Variants in DCC observed in about 807,000 individuals in gnomAD.
DCC encodes the protein DCC netrin 1 receptor.
In DCC, 58 loss-of-function variants were observed where a neutral mutation model predicts 172.5. The observed-to-expected ratio is 0.34, with a 90% CI of 0.27 to 0.42. The LOEUF (loss-of-function observed/expected upper bound fraction) is 0.42, where lower values mean the gene tolerates loss of function less well. Ranked by LOEUF, DCC falls within the 10% of genes least tolerant of loss-of-function variation. The probability of loss-of-function intolerance (pLI) is 1.00; values close to 1 mark genes in which losing one functional copy is unlikely to be tolerated. For synonymous variants in DCC, 709 were observed against 644.5 expected (o/e 1.10, Z -1.52); for missense variants, 1,740 against 1,791.0 (o/e 0.97, Z 0.51).
chr18:53,407,528 GATATATATATAT>G (rs74180422), intron 19 of DCC, among the ~76,000 whole-genome samples: 5 of 117,446 alleles, frequency 4.3e-5, no homozygotes, highest in Non-Finnish European at 7.0e-5. Flanking sequence ...TTTTATTCTG[GATATATATATAT>G]ATATATATAT....
At chr18:52,782,073 A>G (rs2037555422) in intron 2 of DCC, among the ~76,000 whole-genome samples, 1 of 152,146 alleles carries the variant, frequency 6.6e-6, no homozygotes, top group African/African-American at 2.4e-5. Flanking sequence ...GTAAAATACA[A>G]TTGAGTAGAA....
At chr18:52,905,932 A>G (rs2145447090) in intron 2 of DCC, 112 bp from the exon 3 acceptor site, 1 of 831,496 alleles carries the variant, frequency 1.2e-6, no homozygotes, top group East Asian at 2.6e-5. Flanking sequence ...ATATTTGAGA[A>G]AACAGCTTGT....
chr18:53,498,137 G>A, intron 26 of DCC, among the ~76,000 whole-genome samples: 1 of 152,170 alleles, frequency 6.6e-6, no homozygotes, highest in Non-Finnish European at 1.5e-5. Context: ...TTTCACTTCT[G>A]CATAACTTTA....
intron 24 of DCC, among the ~76,000 whole-genome samples, chr18:53,466,842 C>T (rs1437793907): frequency 6.6e-6 from 1 of 152,144 alleles, no homozygotes; most frequent in Non-Finnish European, 1.5e-5. Context: ...GCGTAGTTTA[C>T]TGTTTTATAT....
At chr18:52,794,722 A>C (rs1431374252) in intron 2 of DCC, among the ~76,000 whole-genome samples, 1 of 152,056 alleles carries the variant, frequency 6.6e-6, no homozygotes, top group Non-Finnish European at 1.5e-5. Flanking sequence ...TGTTAAAGGA[A>C]AGGCTTTCAA....
At chr18:53,149,112 C>T (rs1017526409) in intron 7 of DCC, among the ~76,000 whole-genome samples, 2 of 152,008 alleles carry the variant, frequency 1.3e-5, no homozygotes, top group African/African-American at 2.4e-5. Context: ...CCACCCGCCT[C>T]GGCCTCCCAA....
chr18:52,559,512 C>T (rs1347018652), intron 1 of DCC, among the ~76,000 whole-genome samples: 1 of 152,116 alleles, frequency 6.6e-6, no homozygotes, highest in Non-Finnish European at 1.5e-5. Flanking sequence ...TCCAGACAGC[C>T]ACAAGGCTTA....
chr18:53,255,171 C>A (rs1194712928), intron 12 of DCC, among the ~76,000 whole-genome samples: 1 of 151,782 alleles, frequency 6.6e-6, no homozygotes, highest in Non-Finnish European at 1.5e-5. Context: ...CTTTCGGGCC[C>A]TTCTGTCCAC....
Position 53,055,978 on chromosome 18 carries a change from A to G in DCC, c.986-7327A>G, listed in dbSNP as rs147118757. On this transcript the variant is annotated intron_variant, in intron 5 of 28. Transcript: ENST00000442544. ...CTCACACTTGACAAGTCTCTTAGAAATACCGTTACCTAGAATGAGAATTTT... is the reference window on the plus strand; with the variant it reads ...CTCACACTTGACAAGTCTCTTAGAAGTACCGTTACCTAGAATGAGAATTTT... Among the ~76,000 whole-genome samples the G allele has an allele frequency of 5.3e-5, 8 of 152,268 alleles. No homozygotes were observed. The East Asian group carries it at 7.7e-4, about 15-fold the overall frequency.
chr18:52,832,381 A>G (rs901305993), intron 2 of DCC, among the ~76,000 whole-genome samples: 1 of 152,052 alleles, frequency 6.6e-6, no homozygotes, highest in Non-Finnish European at 1.5e-5. Context: ...ACTTTTGGGG[A>G]TCAAACTCCT....
chr18:52,749,394 G>C (rs1040542143), intron 1 of DCC, among the ~76,000 whole-genome samples: 3 of 152,048 alleles, frequency 2.0e-5, no homozygotes, highest in Non-Finnish European at 4.4e-5. Context: ...TCTGCCTCCT[G>C]CCACTGTCAC....
At chr18:52,842,817 A>G (rs2038828435) in intron 2 of DCC, among the ~76,000 whole-genome samples, 1 of 152,168 alleles carries the variant, frequency 6.6e-6, no homozygotes, top group Admixed American at 6.6e-5. Flanking sequence ...CCTAACAGGG[A>G]CCTGCAACCT....
At chr18:52,918,858 T>C (rs12605899) in intron 3 of DCC, among the ~76,000 whole-genome samples, 59,553 of 152,014 alleles carry the variant, frequency 0.39, 12,277 homozygotes, top group Non-Finnish European at 0.47. Context: ...ATTTTAAGTT[T>C]CTGAGATCTT....
chr18:53,045,487 G>A (rs564467503), intron 5 of DCC, among the ~76,000 whole-genome samples: 1 of 151,910 alleles, frequency 6.6e-6, no homozygotes, highest in East Asian at 1.9e-4. Context: ...TATCCCAAAT[G>A]ACAAAGGTGG....
chr18:53,451,428 A>G (rs869224), intron 23 of DCC, among the ~76,000 whole-genome samples: 73,875 of 152,020 alleles, frequency 0.49, 18,966 homozygotes, highest in Non-Finnish European at 0.58. Context: ...CAATAATCTC[A>G]CAGCCATTCT....
intron 17 of DCC, among the ~76,000 whole-genome samples, chr18:53,393,222 T>C (rs1332204177): frequency 6.6e-6 from 1 of 152,152 alleles, no homozygotes; most frequent in African/African-American, 2.4e-5. Flanking sequence ...CTTGCTTCTC[T>C]CTCCCCATAG....
chr18:52,987,108 C>G (rs927260262), intron 5 of DCC, among the ~76,000 whole-genome samples: 1 of 152,134 alleles, frequency 6.6e-6, no homozygotes, highest in African/African-American at 2.4e-5. Flanking sequence ...AGGCGTGAGA[C>G]TCCGCGCCTG....
At position 53,090,732 on chromosome 18, in the gene DCC, A is replaced by AAAAAAAAAAAAAAT. The variant is rs1568298492; in HGVS notation, c.1261+24568_1261+24569insAAAAAAAAAAATAA. On this transcript the variant is annotated intron_variant, in intron 7 of 28. Transcript: ENST00000442544. ...AAAAAAAAAAAAAAAAAAAAAAAAA[A>AAAAAAAAAAAAAAT]AAGAATGTATCGTGTTTCTTGATGC... is the stretch of plus-strand genomic sequence containing the variant. 3.3e-4 allele frequency among the ~76,000 whole-genome samples: 43 copies of AAAAAAAAAAAAAAT among 129,074 alleles called. 2 individuals are homozygous for AAAAAAAAAAAAAAT. The highest frequency in any genetic ancestry group is 6.5e-4 in the Non-Finnish European group (39 of 59,922). 84.7% of individuals were successfully genotyped at this position (129,074 alleles called of 152,430 possible).
At chr18:53,062,549 A>ATTTC (rs1184030827) in intron 5 of DCC, among the ~76,000 whole-genome samples, 9 of 152,128 alleles carry the variant, frequency 5.9e-5, no homozygotes, top group African/African-American at 1.9e-4. Flanking sequence ...AATTTTTAGA[A>ATTTC]TTTCTTTCTC....
Sources: allele counts gnomAD v4.1 joint callset (sites outside exome capture counted in the v4.1 genomes callset), GRCh38; gene constraint gnomAD v4.1.1; transcripts MANE v1.5; gene names NCBI Gene and HGNC (gene_info 2026-07-23, HGNC 2026-07-21).